CDH18: variants seen among roughly 807,000 people sequenced by gnomAD.
CDH18 encodes cadherin-18.
Under a neutral mutation model 67.9 loss-of-function variants are expected in CDH18, and 31 were observed. That is an observed-to-expected ratio of 0.46 (90% CI 0.34 to 0.62). The LOEUF is 0.62. Ranked by LOEUF, CDH18 falls within the 20% of genes least tolerant of loss-of-function variation. The pLI, the probability that CDH18 is intolerant of heterozygous loss-of-function variation, is 0.01. For synonymous variants in CDH18, 362 were observed against 347.2 expected (o/e 1.04, Z -0.48); for missense variants, 890 against 975.5 (o/e 0.91, Z 1.17).
chr5:19,479,754 G>A (rs1350362549), intron 12 of CDH18, among the ~76,000 whole-genome samples: 2 of 152,090 alleles, frequency 1.3e-5, no homozygotes, highest in Admixed American at 6.5e-5. Context: ...GGTATGGACT[G>A]AAAGGGGAGC....
intron 6 of CDH18, among the ~76,000 whole-genome samples, chr5:19,606,874 T>C (rs1279725423): frequency 6.6e-6 from 1 of 151,776 alleles, no homozygotes; most frequent in Non-Finnish European, 1.5e-5. Context: ...CCTAGGTGCA[T>C]TGTAGGTTAA....
At chr5:20,077,556 T>C (rs1465818266) in intron 2 of CDH18, among the ~76,000 whole-genome samples, 1 of 152,158 alleles carries the variant, frequency 6.6e-6, no homozygotes, top group Admixed American at 6.5e-5. Context: ...AAAGAGTACA[T>C]TGAAAACAAT....
At chr5:20,008,992 G>A (rs978418879) in intron 2 of CDH18, among the ~76,000 whole-genome samples, 3 of 152,074 alleles carry the variant, frequency 2.0e-5, no homozygotes, top group African/African-American at 7.2e-5. Flanking sequence ...GGTGGGCTAT[G>A]TTATGTACAC....
At chr5:20,275,517 T>A (rs1366390502) in intron 1 of CDH18, among the ~76,000 whole-genome samples, 1 of 152,208 alleles carries the variant, frequency 6.6e-6, no homozygotes, top group East Asian at 1.9e-4. Context: ...GAAAACTGAC[T>A]AATACGCCAC....
At chr5:19,531,001 C>A (rs547668544) in intron 9 of CDH18, among the ~76,000 whole-genome samples, 1 of 152,140 alleles carries the variant, frequency 6.6e-6, no homozygotes, top group African/African-American at 2.4e-5. Flanking sequence ...GAGATGAACC[C>A]GGTACCTCAG....
intron 9 of CDH18, among the ~76,000 whole-genome samples, chr5:19,530,511 C>T (rs1427631746): frequency 3.3e-5 from 5 of 152,076 alleles, no homozygotes; most frequent in African/African-American, 7.2e-5. Context: ...TATACATGTG[C>T]CATGTTGGTG....
intron 5 of CDH18, among the ~76,000 whole-genome samples, chr5:19,711,185 G>A (rs547003465): frequency 6.6e-6 from 1 of 151,972 alleles, no homozygotes; most frequent in South Asian, 2.1e-4. Context: ...ATTGGCTCAG[G>A]CAAATAATTC....
chr5:19,481,590 TA>T (rs534933556), intron 12 of CDH18, among the ~76,000 whole-genome samples: 103 of 152,270 alleles, frequency 6.8e-4, no homozygotes, highest in African/African-American at 2.5e-3. Flanking sequence ...TCTCTAGCTT[TA>T]AACCTTTCTT....
intron 8 of CDH18, among the ~76,000 whole-genome samples, chr5:19,568,011 C>A (rs1409227650): frequency 6.6e-6 from 1 of 152,122 alleles, no homozygotes; most frequent in Non-Finnish European, 1.5e-5. Flanking sequence ...TCTGAAATAT[C>A]TTTTCAAAAT....
At chr5:19,555,947 G>A (rs1738334897) in intron 8 of CDH18, among the ~76,000 whole-genome samples, 1 of 152,136 alleles carries the variant, frequency 6.6e-6, no homozygotes, top group African/African-American at 2.4e-5. Flanking sequence ...TACATGACAG[G>A]ACTTTTTGAA....
chr5:20,105,652 C>T (rs537002226), intron 2 of CDH18, among the ~76,000 whole-genome samples: 10 of 152,168 alleles, frequency 6.6e-5, no homozygotes, highest in South Asian at 6.2e-4. Flanking sequence ...ACCTCATAAA[C>T]GTGGAATTAT....
chr5:19,938,727 C>T (rs1474015296), intron 2 of CDH18, among the ~76,000 whole-genome samples: 1 of 151,224 alleles, frequency 6.6e-6, no homozygotes. Context: ...AATAAACATG[C>T]TTGCCTATTA....
intron 3 of CDH18, among the ~76,000 whole-genome samples, chr5:19,759,534 G>A (rs1406411806): frequency 6.6e-6 from 1 of 152,122 alleles, no homozygotes; most frequent in Non-Finnish European, 1.5e-5. Flanking sequence ...CGAGTCCAGG[G>A]ACCCACTGGG....
chr5:20,062,344 G>A (rs1742574682), intron 2 of CDH18, among the ~76,000 whole-genome samples: 1 of 151,652 alleles, frequency 6.6e-6, no homozygotes, highest in Admixed American at 6.6e-5. Flanking sequence ...AGCAGACATG[G>A]GGTTTCACCA....
At chr5:20,448,050 C>A (rs1750142466) in intron 1 of CDH18, among the ~76,000 whole-genome samples, 1 of 151,946 alleles carries the variant, frequency 6.6e-6, no homozygotes, top group African/African-American at 2.4e-5. Flanking sequence ...TATCCGTCCC[C>A]TCTCCCCCCA....
At chr5:19,490,394 G>GGTTTTTTT (rs1741223437) in intron 11 of CDH18, among the ~76,000 whole-genome samples, 19 of 60,212 alleles carry the variant, frequency 3.2e-4, no homozygotes, top group African/African-American at 1.2e-3. Context: ...ATAAAAATCT[G>GGTTTTTTT]TTTTTTTTTT....
At chr5:19,878,981 A>T (rs1236199267) in intron 2 of CDH18, among the ~76,000 whole-genome samples, 2 of 151,922 alleles carry the variant, frequency 1.3e-5, no homozygotes, top group Admixed American at 6.6e-5. Flanking sequence ...ATTACTAAGA[A>T]TTTTTCATTT....
intron 6 of CDH18, among the ~76,000 whole-genome samples, chr5:19,596,974 G>T (rs1293043372): frequency 6.6e-6 from 1 of 152,146 alleles, no homozygotes; most frequent in African/African-American, 2.4e-5. Flanking sequence ...ATTTCCTCTT[G>T]AATGTTGGCT....
intron 5 of CDH18, among the ~76,000 whole-genome samples, chr5:19,669,597 T>C (rs1426357244): frequency 6.6e-6 from 1 of 152,116 alleles, no homozygotes; most frequent in Non-Finnish European, 1.5e-5. Flanking sequence ...AACCTCTCAT[T>C]GATACTAATG....
Sources: gnomAD v4.1 joint callset for allele counts (sites outside exome capture counted in the v4.1 genomes callset) on GRCh38, gnomAD v4.1.1 for gene constraint, MANE v1.5 for transcripts, NCBI Gene and HGNC (gene_info 2026-07-23, HGNC 2026-07-21) for gene names.